STXBP3: variants seen among roughly 807,000 people sequenced by gnomAD.
STXBP3 encodes syntaxin binding protein 3.
A neutral mutation model predicts 85.7 loss-of-function variants in STXBP3; 41 were observed. The ratio of observed to expected loss-of-function variants is 0.48; its 90% CI spans 0.37 to 0.62. The LOEUF (loss-of-function observed/expected upper bound fraction) is 0.62, where lower values mean the gene tolerates loss of function less well. Ranked by LOEUF, STXBP3 falls within the 20% of genes least tolerant of loss-of-function variation. The pLI, the probability that STXBP3 is intolerant of heterozygous loss-of-function variation, is 0.00. For missense variants in STXBP3, 563 were observed against 703.1 expected (o/e 0.80, Z 2.25); for synonymous variants, 229 against 231.7 (o/e 0.99, Z 0.10).
chr1:108,747,774 A>C (rs1348152596), intron 1 of STXBP3, among the ~76,000 whole-genome samples: 1 of 152,254 alleles, frequency 6.6e-6, no homozygotes, highest in Non-Finnish European at 1.5e-5. Context: ...TGCTTAACAT[A>C]TAGCAGGCAC....
intron 9 of STXBP3, chr1:108,780,538 T>C (rs1662694631): frequency 1.3e-5 from 2 of 148,648 alleles, no homozygotes; most frequent in Admixed American, 6.7e-5. Context: ...TTTTTTTTTT[T>C]TTTTTTTTTT....
chr1:108,767,826 A>G (rs143139528), intron 6 of STXBP3, among the ~76,000 whole-genome samples: 222 of 151,992 alleles, frequency 1.5e-3, no homozygotes, highest in African/African-American at 5.0e-3. Flanking sequence ...AGCTCAAGCA[A>G]TCCTCCTACC....
intron 7 of STXBP3, among the ~76,000 whole-genome samples, chr1:108,774,275 A>C (rs962775389): frequency 7.2e-5 from 11 of 152,084 alleles, no homozygotes; most frequent in African/African-American, 2.7e-4. Context: ...AATAATACCT[A>C]CCATATACAG....
intron 18 of STXBP3, 56 bp from the exon 19 acceptor site, chr1:108,808,727 C>T (rs754164551): frequency 2.3e-5 from 31 of 1,361,750 alleles, no homozygotes; most frequent in Middle Eastern, 1.8e-4. Flanking sequence ...TTATATTAAG[C>T]GAAGGAAAAT....
At position 108,798,179 on chromosome 1, in the gene STXBP3, C is replaced by T; in HGVS notation, c.1391C>T (p.Ser464Phe). 6.2e-7 allele frequency: 1 copy of T among 1,611,724 alleles called. No homozygotes were observed. The highest frequency in any genetic ancestry group is 1.1e-5 in the South Asian group (1 of 90,958). Reference protein sequence around the residue: ...QQGKPLRKDRSAEETFQLSRW... With the variant: ...QQGKPLRKDRFAEETFQLSRW... ...GGCAAACCGTTAAGAAAGGATCGGTCTGCAGAAGAAACTTTTCAGCTCTCT... is the reference window on the plus strand; with the variant it reads ...GGCAAACCGTTAAGAAAGGATCGGTTTGCAGAAGAAACTTTTCAGCTCTCT... The change falls in exon 16 of 19, where the codon TCT becomes TTT. Residue 464 changes from serine to phenylalanine, a missense_variant. Physicochemically the swap from Ser to Phe is radical, Grantham distance 155. Transcript: ENST00000370008.
intron 7 of STXBP3, 82 bp downstream of exon 7, chr1:108,772,901 A>T: frequency 7.7e-7 from 1 of 1,297,008 alleles, no homozygotes; most frequent in Non-Finnish European, 1.0e-6. Flanking sequence ...GTACCTTGGC[A>T]TGTTGGTTTG....
At chr1:108,797,982 C>T (rs1631385) in intron 15 of STXBP3, among the ~76,000 whole-genome samples, 163 bp from the exon 16 acceptor site, 43,794 of 151,974 alleles carry the variant, frequency 0.29, 7,289 homozygotes, top group East Asian at 0.77. Flanking sequence ...TGGAGTTATG[C>T]GACCACACTC....
chr1:108,796,549 A>T, intron 14 of STXBP3, 71 bp from the exon 15 acceptor site: 1 of 1,361,824 alleles, frequency 7.3e-7, no homozygotes. Flanking sequence ...ATTCATGGGT[A>T]CTACCTAAAG....
intron 6 of STXBP3, among the ~76,000 whole-genome samples, chr1:108,768,714 A>G (rs1759493): frequency 0.7 from 107,130 of 151,984 alleles, 38,738 homozygotes; most frequent in Non-Finnish European, 0.77. Flanking sequence ...GAAAAGTAGA[A>G]TCCTAGAAGT....
chr1:108,779,468 A>C (rs1662669728), intron 9 of STXBP3, 58 bp downstream of exon 9: 1 of 1,495,636 alleles, frequency 6.7e-7, no homozygotes. Flanking sequence ...GAATATGAGC[A>C]TTTAATGATT....
chr1:108,791,882 C>T (rs1431289471), intron 11 of STXBP3, among the ~76,000 whole-genome samples: 1 of 152,118 alleles, frequency 6.6e-6, no homozygotes, highest in East Asian at 1.9e-4. Flanking sequence ...TCCAGAATGT[C>T]CAATGAATGG....
chr1:108,802,864 CTTTT>C (rs937150096), intron 17 of STXBP3, among the ~76,000 whole-genome samples: 4 of 152,108 alleles, frequency 2.6e-5, no homozygotes, highest in Admixed American at 6.5e-5. Flanking sequence ...CTGCAGCCTG[CTTTT>C]TTGTTTCTGT....
At chr1:108,775,838 A>G (rs1397254744) in intron 7 of STXBP3, among the ~76,000 whole-genome samples, 1 of 152,142 alleles carries the variant, frequency 6.6e-6, no homozygotes, top group East Asian at 1.9e-4. Flanking sequence ...ATAGAATCCA[A>G]TATAATCATG....
At chr1:108,768,820 GGAA>G (rs918213287) in intron 6 of STXBP3, among the ~76,000 whole-genome samples, 87 of 152,258 alleles carry the variant, frequency 5.7e-4, no homozygotes, top group Admixed American at 1.3e-4. Context: ...TACATGGAGA[GGAA>G]GAAGATTAAC....
At chr1:108,796,524 T>C in intron 14 of STXBP3, 96 bp from the exon 15 acceptor site, 1 of 1,262,444 alleles carries the variant, frequency 7.9e-7, no homozygotes, top group Non-Finnish European at 1.1e-6. Flanking sequence ...GACTGTTTTT[T>C]ATTTTAAAAG....
At chr1:108,791,727 C>G (rs562385090) in intron 11 of STXBP3, among the ~76,000 whole-genome samples, 4 of 152,252 alleles carry the variant, frequency 2.6e-5, no homozygotes, top group Admixed American at 2.0e-4. Flanking sequence ...TGCACACTCT[C>G]ATATAACCAC....
In STXBP3 at chr1:108,771,616, A is replaced by C. The variant is rs867745364; in HGVS notation, c.439-1049A>C. On this transcript the variant is annotated intron_variant, in intron 6 of 18. Coordinates refer to ENST00000370008, the MANE Select transcript of STXBP3 (RefSeq NM_007269.4). ...TATCATATATAAATATATATGATAT[A>C]TATCTATATATCATATATAAATATA... Among the ~76,000 whole-genome samples, 96 of 56,568 alleles carry C rather than the reference A, an allele frequency of 1.7e-3. 6 individuals are homozygous for C. The highest frequency in any genetic ancestry group is 4.8e-3 in the South Asian group (7 of 1,460). 37.1% of individuals were successfully genotyped at this position (56,568 alleles called of 152,430 possible). A position where few individuals can be genotyped will look rare whatever the true frequency, so the allele number is the denominator to read the frequency against.
At chr1:108,802,179 T>C (rs534761484) in intron 17 of STXBP3, among the ~76,000 whole-genome samples, 37 of 151,970 alleles carry the variant, frequency 2.4e-4, no homozygotes, top group Admixed American at 9.8e-4. Flanking sequence ...GGCAGATCAC[T>C]TGAGGTCAGG....
intron 6 of STXBP3, among the ~76,000 whole-genome samples, chr1:108,762,672 A>C (rs1346238349): frequency 6.6e-6 from 1 of 152,034 alleles, no homozygotes; most frequent in Non-Finnish European, 1.5e-5. Flanking sequence ...TTTTCTTCCT[A>C]CCTCATTTTT....
Sources: allele counts gnomAD v4.1 joint callset (sites outside exome capture counted in the v4.1 genomes callset), GRCh38; gene constraint gnomAD v4.1.1; transcripts MANE v1.5; gene names NCBI Gene and HGNC (gene_info 2026-07-23, HGNC 2026-07-21).